The following FAM185A variants were observed in gnomAD, a reference collection of about 807,000 sequenced individuals.
The protein encoded by FAM185A is protein FAM185A.
Under a neutral mutation model 45.7 loss-of-function variants are expected in FAM185A, and 21 were observed. That is an observed-to-expected ratio of 0.46 (90% CI 0.33 to 0.66). The LOEUF (loss-of-function observed/expected upper bound fraction) is 0.66. FAM185A is among the 30% of genes least tolerant of loss of function. The probability of loss-of-function intolerance (pLI) is 0.03; values close to 1 mark genes in which losing one functional copy is unlikely to be tolerated. For missense variants in FAM185A, 305 were observed against 485.4 expected, an observed-to-expected ratio of 0.63 and a Z score of 3.49; for synonymous variants, 117 against 194.0, an observed-to-expected ratio of 0.60 and a Z score of 3.30.
the FAM185A span, among the ~76,000 whole-genome samples, chr7:102,829,573 A>G: frequency 6.6e-6 from 1 of 152,196 alleles, no homozygotes; most frequent in South Asian, 2.1e-4. Context: ...TGTTAACCAC[A>G]GGGCCTAGTG....
At chr7:102,837,016 G>C in the FAM185A span, among the ~76,000 whole-genome samples, 1 of 152,180 alleles carries the variant, frequency 6.6e-6, no homozygotes, top group Non-Finnish European at 1.5e-5. Flanking sequence ...CTATAATGAA[G>C]ACATTTTTGG....
At chr7:102,782,323 A>G (rs904691203) in intron 6 of FAM185A, among the ~76,000 whole-genome samples, 1 of 152,206 alleles carries the variant, frequency 6.6e-6, no homozygotes. Flanking sequence ...CTCCTCGAGA[A>G]GAGCAACTCC....
chr7:102,837,886 G>A, the FAM185A span, among the ~76,000 whole-genome samples: 1 of 152,220 alleles, frequency 6.6e-6, no homozygotes, highest in East Asian at 1.9e-4. Flanking sequence ...TCATGTAAGT[G>A]TCTTATCTTC....
chr7:102,786,647 G>T (rs968073990), intron 6 of FAM185A, among the ~76,000 whole-genome samples: 2 of 152,142 alleles, frequency 1.3e-5, no homozygotes, highest in African/African-American at 4.8e-5. Context: ...ATGGACACAG[G>T]AAGGGGAACA....
the FAM185A span, among the ~76,000 whole-genome samples, chr7:102,837,105 T>C: frequency 6.6e-6 from 1 of 152,380 alleles, no homozygotes; most frequent in East Asian, 1.9e-4. Context: ...CTTGGGCATA[T>C]CCCAAGATAT....
At chr7:102,805,743 A>G (rs1797075863) in intron 7 of FAM185A, among the ~76,000 whole-genome samples, 1 of 152,208 alleles carries the variant, frequency 6.6e-6, no homozygotes, top group Admixed American at 6.5e-5. Flanking sequence ...TTATAGGCAA[A>G]GTCATAAATT....
the FAM185A span, among the ~76,000 whole-genome samples, chr7:102,847,238 G>T: frequency 6.6e-6 from 1 of 151,976 alleles, no homozygotes; most frequent in South Asian, 2.1e-4. Context: ...CTGCTCTAGG[G>T]TGCAAGCTCC....
chr7:102,832,837 T>A, the FAM185A span: 4 of 1,614,162 alleles, frequency 2.5e-6, no homozygotes, highest in Admixed American at 1.7e-5. Flanking sequence ...CTCCTGCACA[T>A]ACCTTTGGAC....
chr7:102,841,117 C>T, the FAM185A span, among the ~76,000 whole-genome samples: 2 of 152,110 alleles, frequency 1.3e-5, no homozygotes, highest in Non-Finnish European at 2.9e-5. Flanking sequence ...TGAGCAAAGC[C>T]TAGGTGTGTC....
At chr7:102,814,005 G>A (rs1226477497), downstream of FAM185A, among the ~76,000 whole-genome samples, 6 of 151,984 alleles carry the variant, frequency 3.9e-5, no homozygotes, top group Non-Finnish European at 8.8e-5. Context: ...AGTTCATGCA[G>A]TTTTGTCTAT....
At chr7:102,784,006 T>C (rs1461896144) in intron 6 of FAM185A, among the ~76,000 whole-genome samples, 1 of 151,868 alleles carries the variant, frequency 6.6e-6, no homozygotes, top group African/African-American at 2.4e-5. Flanking sequence ...GGGGATATCA[T>C]CACCGATCCC....
chr7:102,813,347 C>A, downstream of FAM185A: 2 of 1,605,434 alleles, frequency 1.2e-6, no homozygotes, highest in South Asian at 2.2e-5. Flanking sequence ...GAAGGTCACG[C>A]TGCTTGGTCT....
At chr7:102,798,720 ATT>A (rs1352213090) in intron 7 of FAM185A, among the ~76,000 whole-genome samples, 1 of 152,036 alleles carries the variant, frequency 6.6e-6, no homozygotes, top group African/African-American at 2.4e-5. Flanking sequence ...TTTCCTCCAC[ATT>A]TATTTTATTT....
At chr7:102,792,197 T>A (rs1195957129) in intron 7 of FAM185A, among the ~76,000 whole-genome samples, 1 of 151,252 alleles carries the variant, frequency 6.6e-6, no homozygotes, top group Admixed American at 6.6e-5. Flanking sequence ...TTTGATTTCC[T>A]GCTCCATGGT....
At chr7:102,848,132 C>T in the FAM185A span, among the ~76,000 whole-genome samples, 4 of 152,262 alleles carry the variant, frequency 2.6e-5, no homozygotes, top group African/African-American at 9.6e-5. Context: ...CTGATTTTCT[C>T]CTGCTAATGA....
chr7:102,821,290 C>T, the FAM185A span, among the ~76,000 whole-genome samples: 2 of 152,194 alleles, frequency 1.3e-5, no homozygotes, highest in African/African-American at 4.8e-5. Context: ...GATCCAACTC[C>T]AGCTGGCTGC....
chr7:102,792,660 T>C (rs1485980302), intron 7 of FAM185A, among the ~76,000 whole-genome samples: 1 of 127,070 alleles, frequency 7.9e-6, no homozygotes, highest in African/African-American at 3.1e-5. Flanking sequence ...AGTGAACGGA[T>C]TGGTGTTTGT....
At chr7:102,756,571 C>A (rs574562429) in intron 2 of FAM185A, among the ~76,000 whole-genome samples, 21 of 152,232 alleles carry the variant, frequency 1.4e-4, no homozygotes, top group African/African-American at 5.1e-4. Flanking sequence ...GCAGGAGAAT[C>A]GCTTGAACCC....
At chr7:102,806,319 G>C (rs1361017699) in intron 7 of FAM185A, among the ~76,000 whole-genome samples, 1 of 152,084 alleles carries the variant, frequency 6.6e-6, no homozygotes. Flanking sequence ...CAAGTAGCTG[G>C]GATTACAGGC....
Sources: allele counts gnomAD v4.1 joint callset (sites outside exome capture counted in the v4.1 genomes callset), GRCh38; gene constraint gnomAD v4.1.1; transcripts MANE v1.5; gene names NCBI Gene and HGNC (gene_info 2026-07-23, HGNC 2026-07-21).